Variants in HPSE2 observed in about 807,000 individuals in gnomAD.
The protein encoded by HPSE2 is heparanase 2 (inactive).
HPSE2 carries 38 observed loss-of-function variants against 60.5 expected under a neutral mutation model. The observed-to-expected ratio is 0.63, with a 90% CI of 0.48 to 0.82. The LOEUF is 0.82. HPSE2 is among the 40% of genes least tolerant of loss of function. The pLI, the probability that HPSE2 is intolerant of heterozygous loss-of-function variation, is 0.00. For missense variants in HPSE2, 713 were observed against 740.4 expected, an observed-to-expected ratio of 0.96 and a Z score of 0.43; for synonymous variants, 295 against 293.2, an observed-to-expected ratio of 1.01 and a Z score of -0.06.
At chr10:99,315,624 G>A in the HPSE2 span, among the ~76,000 whole-genome samples, 1 of 152,148 alleles carries the variant, frequency 6.6e-6, no homozygotes, top group Non-Finnish European at 1.5e-5. Flanking sequence ...TACACAAAAA[G>A]CTTGCAGATT....
intron 3 of HPSE2, among the ~76,000 whole-genome samples, chr10:99,055,723 C>T (rs547910514): frequency 3.0e-4 from 46 of 152,054 alleles, no homozygotes; most frequent in South Asian, 1.7e-3. Flanking sequence ...TTCTAAATAA[C>T]CCATGGGTCA....
intron 9 of HPSE2, among the ~76,000 whole-genome samples, chr10:98,600,901 ATG>A (rs1465121274): frequency 8.3e-5 from 8 of 95,862 alleles, no homozygotes; most frequent in African/African-American, 4.1e-4. Context: ...ACGTATATAT[ATG>A]TGTGTGTGTA....
intron 9 of HPSE2, among the ~76,000 whole-genome samples, chr10:98,536,244 A>G (rs1943278843): frequency 2.0e-5 from 3 of 152,238 alleles, no homozygotes; most frequent in African/African-American, 7.2e-5. Flanking sequence ...TAAAGGCTCA[A>G]TGAGAATCAG....
At chr10:99,107,677 A>T (rs1408040580) in intron 3 of HPSE2, among the ~76,000 whole-genome samples, 1 of 152,194 alleles carries the variant, frequency 6.6e-6, no homozygotes, top group Non-Finnish European at 1.5e-5. Context: ...ACCTATATAC[A>T]CATTTAATTT....
At chr10:98,548,901 T>G (rs1437641535) in intron 9 of HPSE2, among the ~76,000 whole-genome samples, 1 of 152,144 alleles carries the variant, frequency 6.6e-6, no homozygotes, top group Non-Finnish European at 1.5e-5. Context: ...CATCTTTTAC[T>G]AGATCCCTGT....
At chr10:99,198,630 AT>A (rs952647110) in intron 2 of HPSE2, among the ~76,000 whole-genome samples, 11 of 152,328 alleles carry the variant, frequency 7.2e-5, no homozygotes, top group African/African-American at 2.6e-4. Context: ...AAACCTTAAT[AT>A]GTACATATAA....
chr10:98,753,182 TAA>T (rs923687875), intron 3 of HPSE2, among the ~76,000 whole-genome samples: 25 of 152,066 alleles, frequency 1.6e-4, no homozygotes, highest in African/African-American at 5.8e-4. Flanking sequence ...TGTAAAAATG[TAA>T]AGAGAACAGA....
chr10:98,752,647 T>C lies in HPSE2; in HGVS notation c.611-8591A>G, dbSNP rs183892350. Among the ~76,000 whole-genome samples, 4 of 152,230 alleles carry C rather than the reference T, an allele frequency of 2.6e-5. No individual in the cohort carries two copies. In the East Asian group the frequency reaches 5.8e-4, roughly 22 times the overall value. ...AAGTCTTGAAAGGGTATAGGGGACA[T>C]AGATAAAAGGACATCAGTATTAATA... is the stretch of plus-strand genomic sequence containing the variant. On this transcript the variant is annotated intron_variant, in intron 3 of 11. Coordinates refer to ENST00000370552, the MANE Select transcript of HPSE2 (RefSeq NM_021828.5).
At chr10:98,646,937 T>C (rs1161123272) in intron 6 of HPSE2, among the ~76,000 whole-genome samples, 1 of 152,224 alleles carries the variant, frequency 6.6e-6, no homozygotes, top group Non-Finnish European at 1.5e-5. Context: ...CAGTTTTTCA[T>C]AGTAAATAAA....
the HPSE2 span, among the ~76,000 whole-genome samples, chr10:99,247,367 T>C: frequency 1.3e-5 from 2 of 152,246 alleles, no homozygotes; most frequent in Non-Finnish European, 2.9e-5. Context: ...CATTCCAGCT[T>C]TACTATGTAT....
At position 98,740,510 on chromosome 10, in the gene HPSE2, C is replaced by T. The variant is rs983514613; in HGVS notation, c.784+3373G>A. On this transcript the variant is annotated intron_variant, in intron 4 of 11. Transcript: ENST00000370552. ...TCTTTCATATTCTTTAACATCCTAA[C>T]CTTTCTCATCTTTGCCTCTTGATAT... Among the ~76,000 whole-genome samples the T allele has an allele frequency of 7.2e-5, 11 of 152,250 alleles. No individual in the cohort carries two copies. In the East Asian group the frequency reaches 1.7e-3, roughly 24 times the overall value.
At chr10:99,261,597 G>A in the HPSE2 span, among the ~76,000 whole-genome samples, 1 of 152,256 alleles carries the variant, frequency 6.6e-6, no homozygotes, top group South Asian at 2.1e-4. Context: ...GGGCCAGAAG[G>A]CCGTCTTATT....
intron 3 of HPSE2, among the ~76,000 whole-genome samples, chr10:99,043,368 C>A (rs564205523): frequency 3.2e-4 from 48 of 152,202 alleles, no homozygotes; most frequent in African/African-American, 8.7e-4. Flanking sequence ...CCTGTAGTTC[C>A]AGCTACTAGG....
At chr10:98,676,984 A>G (rs1947661036) in intron 6 of HPSE2, among the ~76,000 whole-genome samples, 1 of 150,800 alleles carries the variant, frequency 6.6e-6, no homozygotes, top group Admixed American at 6.6e-5. Context: ...TCCCTTTTAA[A>G]TCATCTGCAG....
chr10:98,693,302 A>C (rs1190573232), intron 6 of HPSE2, among the ~76,000 whole-genome samples: 4 of 152,192 alleles, frequency 2.6e-5, no homozygotes, highest in Admixed American at 2.6e-4. Context: ...AGAATATTTA[A>C]ATTTATTTAT....
At chr10:98,915,226 C>A (rs1004073801) in intron 3 of HPSE2, among the ~76,000 whole-genome samples, 1 of 151,036 alleles carries the variant, frequency 6.6e-6, no homozygotes, top group African/African-American at 2.4e-5. Context: ...CTGCTCACTG[C>A]AAGCTCCACA....
intron 5 of HPSE2, among the ~76,000 whole-genome samples, chr10:98,696,780 A>AAGCT (rs1409186491): frequency 6.6e-6 from 1 of 152,112 alleles, no homozygotes; most frequent in Non-Finnish European, 1.5e-5. Context: ...CTAACACACT[A>AAGCT]AGCTCCCAGG....
intron 3 of HPSE2, among the ~76,000 whole-genome samples, chr10:98,956,940 T>C (rs1248903149): frequency 6.6e-6 from 1 of 152,200 alleles, no homozygotes; most frequent in Non-Finnish European, 1.5e-5. Context: ...GAACTCTGTA[T>C]ACCTTAGGAA....
intron 9 of HPSE2, among the ~76,000 whole-genome samples, chr10:98,530,372 C>G (rs776223955): frequency 2.6e-5 from 4 of 152,278 alleles, no homozygotes; most frequent in Non-Finnish European, 5.9e-5. Flanking sequence ...GAGCCCCATC[C>G]CCAGAGATTC....
Sources: gnomAD v4.1 joint callset for allele counts (sites outside exome capture counted in the v4.1 genomes callset) on GRCh38, gnomAD v4.1.1 for gene constraint, MANE v1.5 for transcripts, NCBI Gene and HGNC (gene_info 2026-07-23, HGNC 2026-07-21) for gene names.